Variants in XKR6 observed in about 807,000 individuals in gnomAD.
XKR6 encodes XK related 6.
XKR6 carries 22 observed loss-of-function variants against 56.7 expected under a neutral mutation model. The ratio of observed to expected loss-of-function variants is 0.39; its 90% CI spans 0.28 to 0.55. The LOEUF (loss-of-function observed/expected upper bound fraction) is 0.55. XKR6 is among the 20% of genes least tolerant of loss of function. XKR6 has a pLI of 0.66. For synonymous variants in XKR6, 524 were observed against 387.8 expected, an observed-to-expected ratio of 1.35 and a Z score of -4.13; for missense variants, 852 against 889.0, an observed-to-expected ratio of 0.96 and a Z score of 0.53.
intron 1 of XKR6, among the ~76,000 whole-genome samples, chr8:11,129,741 C>T (rs527325022): frequency 2.5e-4 from 38 of 152,218 alleles, no homozygotes; most frequent in African/African-American, 8.7e-4. Context: ...TTTTTTAAAT[C>T]GATGTGGGAA....
intron 1 of XKR6, among the ~76,000 whole-genome samples, chr8:11,156,271 A>C (rs1379716762): frequency 6.6e-6 from 1 of 151,998 alleles, no homozygotes; most frequent in African/African-American, 2.4e-5. Flanking sequence ...TGCTTTTCCA[A>C]CTTTTGTTGA....
chr8:10,980,691 T>G (rs548528952), intron 1 of XKR6, among the ~76,000 whole-genome samples: 1 of 152,228 alleles, frequency 6.6e-6, no homozygotes, highest in Admixed American at 6.5e-5. Flanking sequence ...TCTCTATCTA[T>G]TGACCTACCC....
intron 1 of XKR6, among the ~76,000 whole-genome samples, chr8:11,038,804 G>C (rs1799212511): frequency 6.6e-6 from 1 of 152,056 alleles, no homozygotes; most frequent in African/African-American, 2.4e-5. Context: ...GACTCCCAAA[G>C]TGCTGGGATT....
At chr8:11,183,631 G>A (rs1315306413) in intron 1 of XKR6, among the ~76,000 whole-genome samples, 2 of 151,884 alleles carry the variant, frequency 1.3e-5, no homozygotes, top group Non-Finnish European at 2.9e-5. Flanking sequence ...CTTATTTTCT[G>A]GATTTTTAAA....
intron 1 of XKR6, chr8:11,123,763 A>G (rs766973479): frequency 3.2e-5 from 14 of 432,402 alleles, no homozygotes; most frequent in Admixed American, 1.3e-4. Context: ...AAAAAAACAA[A>G]AAATGAAAAA....
In XKR6 at chr8:11,070,283, T is replaced by C. The variant is rs1291037899; in HGVS notation, c.764+130293A>G. 1.8e-4 allele frequency among the ~76,000 whole-genome samples: 27 copies of C among 152,222 alleles called. 1 individual carries two copies. Among genetic ancestry groups the C allele is most frequent in the Admixed American group, 1.8e-3 (27 of 15,272 alleles). On this transcript the variant is annotated intron_variant, in intron 1 of 2. Coordinates refer to ENST00000416569, the MANE Select transcript of XKR6 (RefSeq NM_173683.4). ...ATGTTATTCATCCACGCCTCATCAA[T>C]CCCTGCTGAGAGGTTTAGGTAAAAG... is the stretch of plus-strand genomic sequence containing the variant.
intron 1 of XKR6, among the ~76,000 whole-genome samples, chr8:10,997,726 G>C (rs903408575): frequency 6.6e-6 from 1 of 152,138 alleles, no homozygotes; most frequent in African/African-American, 2.4e-5. Flanking sequence ...TAGGGGGATT[G>C]GGTCCAGATA....
intron 1 of XKR6, among the ~76,000 whole-genome samples, chr8:11,164,205 G>A (rs1801959863): frequency 6.6e-6 from 1 of 152,188 alleles, no homozygotes; most frequent in African/African-American, 2.4e-5. Context: ...GAGCAGTGAG[G>A]TTTGAAAGTG....
intron 1 of XKR6, among the ~76,000 whole-genome samples, chr8:11,143,557 T>C (rs59806445): frequency 1.1e-4 from 17 of 152,134 alleles, no homozygotes; most frequent in African/African-American, 1.7e-4. Context: ...AAAGACACAG[T>C]CTAAAAACAT....
intron 1 of XKR6, among the ~76,000 whole-genome samples, chr8:11,071,531 G>A (rs1228347143): frequency 5.7e-5 from 8 of 139,462 alleles, no homozygotes; most frequent in Admixed American, 1.4e-4. Context: ...GAGTCCATGA[G>A]CCCCGAGTCT....
intron 1 of XKR6, among the ~76,000 whole-genome samples, chr8:10,979,919 GA>G (rs1183815936): frequency 6.6e-6 from 1 of 152,170 alleles, no homozygotes; most frequent in African/African-American, 2.4e-5. Context: ...CATCTATTGT[GA>G]CCCCAAGGGA....
At chr8:11,054,392 G>C (rs1257761065) in intron 1 of XKR6, among the ~76,000 whole-genome samples, 1 of 152,204 alleles carries the variant, frequency 6.6e-6, no homozygotes, top group Non-Finnish European at 1.5e-5. Flanking sequence ...CCCTGTACAA[G>C]AAATCTGTCC....
intron 2 of XKR6, among the ~76,000 whole-genome samples, chr8:10,920,322 T>A (rs1800674194): frequency 6.6e-6 from 1 of 152,092 alleles, no homozygotes; most frequent in Non-Finnish European, 1.5e-5. Context: ...ACTTCACATT[T>A]GTCATGATGT....
chr8:11,062,692 G>A (rs1055464087), intron 1 of XKR6: 1 of 453,636 alleles, frequency 2.2e-6, no homozygotes, highest in Non-Finnish European at 4.4e-6. Context: ...TTTTTAGTTA[G>A]AGTTTCATCT....
chr8:11,181,636 A>C (rs367988186), intron 1 of XKR6, among the ~76,000 whole-genome samples: 1 of 152,228 alleles, frequency 6.6e-6, no homozygotes, highest in Non-Finnish European at 1.5e-5. Context: ...AAGGTATATA[A>C]AGGAAGAAAA....
chr8:11,086,905 C>T (rs886856831), intron 1 of XKR6, among the ~76,000 whole-genome samples: 16 of 152,356 alleles, frequency 1.1e-4, no homozygotes, highest in African/African-American at 3.8e-4. Flanking sequence ...GTCACCCGGC[C>T]AGTCCTGTCC....
chr8:10,909,549 C>G (rs1800287685), intron 2 of XKR6, among the ~76,000 whole-genome samples: 1 of 152,184 alleles, frequency 6.6e-6, no homozygotes, highest in Admixed American at 6.5e-5. Context: ...GAATTACATG[C>G]AAAACTGTGT....
chr8:10,990,222 C>G (rs1255961016), intron 1 of XKR6, among the ~76,000 whole-genome samples: 2 of 152,204 alleles, frequency 1.3e-5, no homozygotes, highest in South Asian at 2.1e-4. Context: ...AAGACGTGCT[C>G]TAGTACAAAC....
At chr8:10,907,253 C>T (rs1402366716) in intron 2 of XKR6, among the ~76,000 whole-genome samples, 3 of 152,196 alleles carry the variant, frequency 2.0e-5, no homozygotes, top group Non-Finnish European at 4.4e-5. Context: ...ACACCATCCT[C>T]TGGCTGGACA....
Sources: gnomAD v4.1 joint callset for allele counts (sites outside exome capture counted in the v4.1 genomes callset) on GRCh38, gnomAD v4.1.1 for gene constraint, MANE v1.5 for transcripts, NCBI Gene and HGNC (gene_info 2026-07-23, HGNC 2026-07-21) for gene names.